The following PDE4D variants were observed in gnomAD, a reference collection of about 807,000 sequenced individuals.
PDE4D encodes the protein 3',5'-cyclic-AMP phosphodiesterase 4D.
A neutral mutation model predicts 87.4 loss-of-function variants in PDE4D; 24 were observed. That is an observed-to-expected ratio of 0.27 (90% CI 0.20 to 0.39). The LOEUF is 0.39. PDE4D is among the 10% of genes least tolerant of loss of function. The probability of loss-of-function intolerance (pLI) is 1.00; values close to 1 mark genes in which losing one functional copy is unlikely to be tolerated. For synonymous variants in PDE4D, 384 were observed against 383.2 expected (o/e 1.00, Z -0.02); for missense variants, 714 against 1,041.0 (o/e 0.69, Z 4.32).
intron 2 of PDE4D, among the ~76,000 whole-genome samples, chr5:60,107,198 T>C (rs1777066273): frequency 6.6e-6 from 1 of 152,064 alleles, no homozygotes; most frequent in African/African-American, 2.4e-5. Flanking sequence ...CCCACAGAAA[T>C]ACAAACTACC....
chr5:59,018,941 C>CTTTT (rs34235697), intron 6 of PDE4D, among the ~76,000 whole-genome samples: 4 of 138,854 alleles, frequency 2.9e-5, no homozygotes, highest in Admixed American at 7.2e-5. Context: ...CCTGCCCCCT[C>CTTTT]TTTTTTTTTT....
chr5:59,516,833 T>C (rs1384286509), intron 1 of PDE4D, among the ~76,000 whole-genome samples: 1 of 152,026 alleles, frequency 6.6e-6, no homozygotes, highest in African/African-American at 2.4e-5. Context: ...TGACAAAAAA[T>C]TTGTCTTTCA....
At chr5:59,033,095 C>T (rs1757874997) in intron 6 of PDE4D, among the ~76,000 whole-genome samples, 1 of 152,032 alleles carries the variant, frequency 6.6e-6, no homozygotes, top group Non-Finnish European at 1.5e-5. Context: ...GCTCTGAATA[C>T]TAAATAATAA....
chr5:60,053,137 G>A (rs1363967744), intron 2 of PDE4D, among the ~76,000 whole-genome samples: 2 of 152,138 alleles, frequency 1.3e-5, no homozygotes, highest in African/African-American at 2.4e-5. Flanking sequence ...TAGATTCAAT[G>A]CTATCCCCAT....
chr5:60,178,442 A>G (rs1051562044), intron 2 of PDE4D, among the ~76,000 whole-genome samples: 8 of 152,140 alleles, frequency 5.3e-5, no homozygotes, highest in African/African-American at 1.9e-4. Flanking sequence ...CAAAGAAAAA[A>G]AAACAATTGG....
At chr5:59,527,315 T>C (rs1413410490) in intron 1 of PDE4D, among the ~76,000 whole-genome samples, 1 of 152,340 alleles carries the variant, frequency 6.6e-6, no homozygotes, top group East Asian at 1.9e-4. Flanking sequence ...GATCCTTTTT[T>C]AACCCTGTAA....
At chr5:60,104,793 G>A (rs893557795) in intron 2 of PDE4D, among the ~76,000 whole-genome samples, 1 of 152,188 alleles carries the variant, frequency 6.6e-6, no homozygotes, top group Non-Finnish European at 1.5e-5. Flanking sequence ...CAGACCTGCA[G>A]CTGAGGGTCC....
At chr5:59,357,557 C>T (rs11959801) in intron 1 of PDE4D, among the ~76,000 whole-genome samples, 13,478 of 152,204 alleles carry the variant, frequency 0.089, 683 homozygotes, top group Middle Eastern at 0.14. Context: ...GGAGATGCTG[C>T]GTCACCTTAG....
intron 1 of PDE4D, among the ~76,000 whole-genome samples, chr5:59,403,852 T>C (rs1791132931): frequency 6.6e-6 from 1 of 152,192 alleles, no homozygotes; most frequent in South Asian, 2.1e-4. Flanking sequence ...GGGAGTTCTA[T>C]TTTTAGCTTT....
intron 2 of PDE4D, among the ~76,000 whole-genome samples, chr5:60,079,866 T>C (rs1203686599): frequency 6.6e-6 from 1 of 152,246 alleles, no homozygotes; most frequent in Non-Finnish European, 1.5e-5. Context: ...CAAAGTCTTA[T>C]TTGAATCCAT....
chr5:60,485,213 T>C (rs1016527110), intron 1 of PDE4D, among the ~76,000 whole-genome samples: 1 of 152,188 alleles, frequency 6.6e-6, no homozygotes, highest in African/African-American at 2.4e-5. Context: ...AGAGGGACAT[T>C]TGTTTCATTC....
At chr5:59,131,525 G>A (rs1776258721) in intron 5 of PDE4D, among the ~76,000 whole-genome samples, 1 of 151,072 alleles carries the variant, frequency 6.6e-6, no homozygotes, top group Non-Finnish European at 1.5e-5. Flanking sequence ...GAACAGCACG[G>A]GCGTGTGGTA....
In PDE4D at chr5:59,893,405, A is replaced by G. The variant is rs1408359710; in HGVS notation, c.218T>C (p.Leu73Pro). The change falls in exon 1 of 15, where the codon CTA becomes CCA. Residue 73 changes from leucine (L) to proline (P), a missense_variant. Transcript: ENST00000340635. The part of the protein sequence containing the change: ...PSPQPQPQCP[L>P]QPPPPPPLPP... ...CAGGGGGGGCGGCGGCGGCGGCTGT[A>G]GCGGACACTGGGGCTGGGGCTGGGG... 1.4e-6 allele frequency: 2 copies of G among 1,396,548 alleles called. No individual in the cohort carries two copies. The highest frequency in any genetic ancestry group is 1.9e-6 in the Non-Finnish European group (2 of 1,065,182). 86.5% of individuals were successfully genotyped at this position (1,396,548 alleles called of 1,614,324 possible).
At chr5:59,649,904 C>CTTGTTTTTTT (rs1561402852) in intron 1 of PDE4D, among the ~76,000 whole-genome samples, 2 of 73,960 alleles carry the variant, frequency 2.7e-5, no homozygotes, top group African/African-American at 1.0e-4. Context: ...AGTTTGTGAA[C>CTTGTTTTTTT]CTTTTTTTTT....
intron 1 of PDE4D, among the ~76,000 whole-genome samples, chr5:59,331,433 G>C (rs1295454925): frequency 6.6e-6 from 1 of 152,074 alleles, no homozygotes; most frequent in Non-Finnish European, 1.5e-5. Flanking sequence ...CACCAGCCTT[G>C]TTGGATTCGG....
intron 2 of PDE4D, chr5:59,193,896 CA>C (rs1744868473): frequency 2.4e-6 from 1 of 408,656 alleles, no homozygotes; most frequent in African/African-American, 2.2e-5. Context: ...TGGAAGGAAC[CA>C]GCAATGCAGT....
chr5:59,854,883 T>C lies in PDE4D; in HGVS notation c.455+38285A>G, dbSNP rs192690641. On this transcript the variant is annotated intron_variant, in intron 1 of 14. Coordinates refer to ENST00000340635, the MANE Select transcript of PDE4D (RefSeq NM_001104631.2). ...GGCAGGAATGGGGGACAGCCATGTATGCCAGGCACCGAACACAGCAGCTTT... is the reference window on the plus strand; with the variant it reads ...GGCAGGAATGGGGGACAGCCATGTACGCCAGGCACCGAACACAGCAGCTTT... Among the ~76,000 whole-genome samples the C allele has an allele frequency of 9.7e-4, 148 of 152,248 alleles. 1 individual carries two copies. Among genetic ancestry groups the C allele is most frequent in the African/African-American group, 3.4e-3 (143 of 41,568 alleles).
chr5:59,137,764 G>C (rs1354756724), intron 5 of PDE4D, among the ~76,000 whole-genome samples: 1 of 152,162 alleles, frequency 6.6e-6, no homozygotes, highest in Non-Finnish European at 1.5e-5. Context: ...CTGACTTCTT[G>C]ATCTGCCTGC....
intron 1 of PDE4D, among the ~76,000 whole-genome samples, chr5:59,732,668 G>A (rs1757539891): frequency 6.6e-6 from 1 of 152,088 alleles, no homozygotes; most frequent in South Asian, 2.1e-4. Flanking sequence ...ATCAGTATGA[G>A]CTTTCAGATT....
Sources: allele counts gnomAD v4.1 joint callset (sites outside exome capture counted in the v4.1 genomes callset), GRCh38; gene constraint gnomAD v4.1.1; transcripts MANE v1.5; gene names NCBI Gene and HGNC (gene_info 2026-07-23, HGNC 2026-07-21).